RBFOX1: variants seen among roughly 807,000 people sequenced by gnomAD.
RBFOX1 encodes the protein RNA binding fox-1 homolog 1.
In RBFOX1, 8 loss-of-function variants were observed where a neutral mutation model predicts 57.7. That is an observed-to-expected ratio of 0.14 (90% CI 0.08 to 0.25). RBFOX1 has a LOEUF of 0.25. Ranked by LOEUF, RBFOX1 falls within the 10% of genes least tolerant of loss-of-function variation. The pLI, the probability that RBFOX1 is intolerant of heterozygous loss-of-function variation, is 1.00. For missense variants in RBFOX1, 611 were observed against 548.5 expected (o/e 1.11, Z -1.14); for synonymous variants, 326 against 222.4 (o/e 1.47, Z -4.15).
intron 3 of RBFOX1, among the ~76,000 whole-genome samples, chr16:6,725,442 C>A (rs1170721714): frequency 3.9e-5 from 6 of 152,142 alleles, no homozygotes; most frequent in Admixed American, 1.3e-4. Flanking sequence ...CTGTGACTCA[C>A]AATCCCCAAC....
At chr16:6,788,334 A>C (rs2082308505) in intron 3 of RBFOX1, among the ~76,000 whole-genome samples, 1 of 152,128 alleles carries the variant, frequency 6.6e-6, no homozygotes, top group Admixed American at 6.5e-5. Context: ...TATTTTATTC[A>C]GGTTCAACAC....
chr16:5,597,615 G>T (rs2047229238), intron 2 of RBFOX1, among the ~76,000 whole-genome samples: 1 of 151,972 alleles, frequency 6.6e-6, no homozygotes, highest in South Asian at 2.1e-4. Context: ...GGCCAGACTA[G>T]TCTGGAGCTC....
At chr16:7,654,162 A>T (rs983113114) in intron 12 of RBFOX1, among the ~76,000 whole-genome samples, 1 of 152,114 alleles carries the variant, frequency 6.6e-6, no homozygotes, top group African/African-American at 2.4e-5. Context: ...TGGTGCCTTT[A>T]AGCATTCTAC....
intron 1 of RBFOX1, among the ~76,000 whole-genome samples, chr16:6,154,403 G>T (rs532954816): frequency 1.9e-4 from 29 of 152,310 alleles, no homozygotes; most frequent in African/African-American, 4.6e-4. Context: ...TGACATGTAG[G>T]CATTGTAACT....
intron 5 of RBFOX1, among the ~76,000 whole-genome samples, chr16:7,576,990 G>A (rs2093388813): frequency 6.6e-6 from 1 of 152,160 alleles, no homozygotes; most frequent in African/African-American, 2.4e-5. Context: ...TCATTTCTGT[G>A]TCATGGACGT....
chr16:5,349,062 A>T (rs954279413), intron 1 of RBFOX1, among the ~76,000 whole-genome samples: 2 of 152,196 alleles, frequency 1.3e-5, no homozygotes, highest in Admixed American at 6.5e-5. Flanking sequence ...CAATTTCTCC[A>T]CATGCTGGTC....
intron 2 of RBFOX1, among the ~76,000 whole-genome samples, chr16:5,507,802 C>T (rs2043429805): frequency 6.6e-6 from 1 of 152,136 alleles, no homozygotes; most frequent in African/African-American, 2.4e-5. Context: ...CCAATGAACC[C>T]CAAGGATCGC....
intron 4 of RBFOX1, among the ~76,000 whole-genome samples, chr16:7,516,681 C>G (rs2076427381): frequency 6.6e-6 from 1 of 152,200 alleles, no homozygotes; most frequent in African/African-American, 2.4e-5. Flanking sequence ...CGAAATTTGT[C>G]TGGAGGAGGG....
rs1275389970 is a variant in RBFOX1, at chr16:6,545,329, T to TA, written c.-63-109269dup. Reference sequence around the variant, plus strand: ...CTTCAATAAAAACCCAAACGTAAAATAAAAACGGATAACTTGGCCTGTAAT... The same window carrying TA: ...CTTCAATAAAAACCCAAACGTAAAATAAAAAACGGATAACTTGGCCTGTAAT... On this transcript the variant is annotated intron_variant, in intron 2 of 15. Transcript: ENST00000550418. Among the ~76,000 whole-genome samples, 4 of 152,172 alleles carry TA rather than the reference T, an allele frequency of 2.6e-5. No homozygotes were observed. The East Asian group carries it at 7.7e-4, about 29-fold the overall frequency.
intron 4 of RBFOX1, among the ~76,000 whole-genome samples, chr16:7,070,183 A>T (rs80146731): frequency 0.016 from 2,456 of 152,252 alleles, 72 homozygotes; most frequent in African/African-American, 0.055. Context: ...TGGCTCACTG[A>T]GCGATCAGAG....
chr16:6,105,348 A>G (rs1003936948), intron 1 of RBFOX1, among the ~76,000 whole-genome samples: 1 of 152,224 alleles, frequency 6.6e-6, no homozygotes, highest in Non-Finnish European at 1.5e-5. Context: ...CTTTGCATAT[A>G]CCGTGACTCA....
chr16:5,281,800 C>T (rs1250088863), intron 1 of RBFOX1, among the ~76,000 whole-genome samples: 1 of 152,178 alleles, frequency 6.6e-6, no homozygotes, highest in Non-Finnish European at 1.5e-5. Flanking sequence ...CCTTCACTTT[C>T]AGTCTGTGTG....
intron 4 of RBFOX1, among the ~76,000 whole-genome samples, chr16:7,129,216 C>T (rs779328128): frequency 5.3e-5 from 8 of 152,036 alleles, no homozygotes; most frequent in Non-Finnish European, 8.8e-5. Context: ...TTGCAATGTT[C>T]TTTATATAGT....
intron 4 of RBFOX1, among the ~76,000 whole-genome samples, chr16:7,069,454 T>C (rs2153772966): frequency 6.6e-6 from 1 of 152,272 alleles, no homozygotes; most frequent in South Asian, 2.1e-4. Context: ...GGTGTTCAGT[T>C]TTCTGTTCCT....
chr16:6,296,307 A>G (rs2078095369), intron 1 of RBFOX1, among the ~76,000 whole-genome samples: 1 of 152,184 alleles, frequency 6.6e-6, no homozygotes. Flanking sequence ...TGGCTTTATT[A>G]CTAAAAAGCT....
chr16:7,133,891 C>T (rs760019216), intron 4 of RBFOX1, among the ~76,000 whole-genome samples: 6 of 152,040 alleles, frequency 3.9e-5, no homozygotes, highest in Non-Finnish European at 7.4e-5. Flanking sequence ...TACAGCTAAA[C>T]AGAAAAACAA....
At position 6,350,425 on chromosome 16, in the gene RBFOX1, G is replaced by A. The variant is rs566412063; in HGVS notation, c.-64+33368G>A. On this transcript the variant is annotated intron_variant, in intron 2 of 15. Coordinates refer to ENST00000550418, the MANE Select transcript of RBFOX1 (RefSeq NM_018723.4). ...CATTGCGCTCCAGCCTGGGCAACAAGAGTGAAACTCTGTCTCAAGAAAAAA... is the reference window on the plus strand; with the variant it reads ...CATTGCGCTCCAGCCTGGGCAACAAAAGTGAAACTCTGTCTCAAGAAAAAA... 1.8e-3 allele frequency among the ~76,000 whole-genome samples: 198 copies of A among 111,582 alleles called. 1 individual carries two copies. Among genetic ancestry groups the A allele is most frequent in the African/African-American group, 6.5e-3 (189 of 29,026 alleles). 73.2% of individuals were successfully genotyped at this position (111,582 alleles called of 152,430 possible). A position where few individuals can be genotyped will look rare whatever the true frequency, so the allele number is the denominator to read the frequency against.
intron 3 of RBFOX1, among the ~76,000 whole-genome samples, chr16:6,797,093 G>A (rs192901884): frequency 1.1e-3 from 161 of 152,180 alleles, no homozygotes; most frequent in African/African-American, 3.7e-3. Flanking sequence ...GTAACACATC[G>A]ATCCTCCCAC....
chr16:6,366,321 A>G (rs1039166013), intron 2 of RBFOX1, among the ~76,000 whole-genome samples: 3 of 152,158 alleles, frequency 2.0e-5, no homozygotes, highest in East Asian at 3.8e-4. Context: ...TGGATATTGA[A>G]CTATAAAGAC....
Sources: allele counts gnomAD v4.1 joint callset (sites outside exome capture counted in the v4.1 genomes callset), GRCh38; gene constraint gnomAD v4.1.1; transcripts MANE v1.5; gene names NCBI Gene and HGNC (gene_info 2026-07-23, HGNC 2026-07-21).